PIK3C2G: variants seen among roughly 807,000 people sequenced by gnomAD.
PIK3C2G encodes the protein phosphatidylinositol 3-kinase C2 domain-containing subunit gamma.
A neutral mutation model predicts 181.1 loss-of-function variants in PIK3C2G; 168 were observed. That is an observed-to-expected ratio of 0.93 (90% CI 0.82 to 1.05). The LOEUF (loss-of-function observed/expected upper bound fraction) is 1.05, where lower values mean the gene tolerates loss of function less well. Ranked by LOEUF, PIK3C2G falls within the 50% of genes least tolerant of loss-of-function variation. The pLI, the probability that PIK3C2G is intolerant of heterozygous loss-of-function variation, is 0.00. For missense variants in PIK3C2G, 1,869 were observed against 1,732.8 expected, an observed-to-expected ratio of 1.08 and a Z score of -1.40; for synonymous variants, 573 against 592.2, an observed-to-expected ratio of 0.97 and a Z score of 0.47.
chr12:18,365,352 A>C (rs1342685251), intron 12 of PIK3C2G, among the ~76,000 whole-genome samples: 1 of 152,096 alleles, frequency 6.6e-6, no homozygotes, highest in African/African-American at 2.4e-5. Flanking sequence ...TTGTAGTGAA[A>C]CCTTCCAAAT....
chr12:18,597,095 C>G (rs1947406934), intron 30 of PIK3C2G, among the ~76,000 whole-genome samples: 1 of 151,896 alleles, frequency 6.6e-6, no homozygotes, highest in East Asian at 1.9e-4. Context: ...ATTACCTCAT[C>G]TCTAACATCT....
chr12:18,567,727 A>C (rs1030650409), intron 29 of PIK3C2G, among the ~76,000 whole-genome samples: 1 of 152,078 alleles, frequency 6.6e-6, no homozygotes, highest in East Asian at 1.9e-4. Flanking sequence ...AAGAAAATTT[A>C]TGAGTGAGAA....
At chr12:18,646,405 C>T (rs914497304) in intron 32 of PIK3C2G, among the ~76,000 whole-genome samples, 5 of 152,032 alleles carry the variant, frequency 3.3e-5, no homozygotes, top group African/African-American at 7.2e-5. Flanking sequence ...CAGGGTAGAC[C>T]GCATTCGCAT....
chr12:18,568,796 A>G (rs1425231590), intron 29 of PIK3C2G, among the ~76,000 whole-genome samples: 2 of 152,206 alleles, frequency 1.3e-5, no homozygotes, highest in Non-Finnish European at 2.9e-5. Flanking sequence ...GTGAGGAACT[A>G]AAAACATTGT....
At chr12:18,533,153 C>A (rs552569383) in intron 24 of PIK3C2G, among the ~76,000 whole-genome samples, 7 of 152,134 alleles carry the variant, frequency 4.6e-5, no homozygotes, top group Admixed American at 3.9e-4. Flanking sequence ...GAAAAATATG[C>A]CTACTTCATC....
At chr12:18,243,904 T>C (rs1565519415), upstream of PIK3C2G, among the ~76,000 whole-genome samples, 1 of 151,894 alleles carries the variant, frequency 6.6e-6, no homozygotes, top group Non-Finnish European at 1.5e-5. Context: ...TTGAACATCC[T>C]GAGGATGTTT....
the PIK3C2G span, among the ~76,000 whole-genome samples, chr12:18,688,619 A>G: frequency 6.6e-6 from 1 of 151,922 alleles, no homozygotes; most frequent in African/African-American, 2.4e-5. Flanking sequence ...TAAAAAATGT[A>G]CCATTTAACT....
chr12:18,391,888 TGAGA>T (rs142901049), intron 15 of PIK3C2G, among the ~76,000 whole-genome samples: 4 of 150,216 alleles, frequency 2.7e-5, no homozygotes, highest in East Asian at 3.9e-4. Context: ...TGTGTGTGTG[TGAGA>T]GAGAGAGAGA....
At chr12:18,363,534 G>A (rs1183077150) in intron 12 of PIK3C2G, among the ~76,000 whole-genome samples, 1 of 151,940 alleles carries the variant, frequency 6.6e-6, no homozygotes, top group East Asian at 1.9e-4. Flanking sequence ...CTCTTCCATG[G>A]TTACTGCTGC....
At chr12:18,534,531 A>G (rs751105489) in intron 24 of PIK3C2G, among the ~76,000 whole-genome samples, 1 of 152,074 alleles carries the variant, frequency 6.6e-6, no homozygotes, top group Non-Finnish European at 1.5e-5. Flanking sequence ...ATAAATGTCA[A>G]ATTGTTACAA....
At chr12:18,360,045 C>G in intron 11 of PIK3C2G, among the ~76,000 whole-genome samples, 1 of 151,970 alleles carries the variant, frequency 6.6e-6, no homozygotes, top group East Asian at 1.9e-4. Context: ...GTCTTTTCCT[C>G]TCTGGCTGTG....
At chr12:18,598,072 C>T (rs1210457127) in intron 30 of PIK3C2G, among the ~76,000 whole-genome samples, 1 of 152,100 alleles carries the variant, frequency 6.6e-6, no homozygotes, top group Non-Finnish European at 1.5e-5. Flanking sequence ...GGCCATACTG[C>T]CCAAGGTAAT....
At chr12:18,461,286 A>T (rs566789057) in intron 18 of PIK3C2G, among the ~76,000 whole-genome samples, 1 of 152,144 alleles carries the variant, frequency 6.6e-6, no homozygotes, top group African/African-American at 2.4e-5. Flanking sequence ...TTACATTATA[A>T]TTTATTATGT....
In PIK3C2G at chr12:18,496,137, A is replaced by G; in HGVS notation, c.2869A>G (p.Ile957Val). Residue 957 changes from isoleucine (I) to valine (V), a missense_variant, in exon 21 of 33, where the codon ATC becomes GTC. Ile to Val is a conservative substitution (Grantham distance 29, BLOSUM62 3). Coordinates refer to ENST00000538779, the MANE Select transcript of PIK3C2G (RefSeq NM_001288772.2). ...FINANPMGKNISIIFKAGDDL... is the reference protein window; with the variant it reads ...FINANPMGKNVSIIFKAGDDL... ...CAATGCTAATCCGATGGGCAAAAAC[A>G]TCAGCATTATTTTTAAGGTATGGTA... 6.5e-7 allele frequency: 1 copy of G among 1,530,810 alleles called. No individual in the cohort carries two copies. Among genetic ancestry groups the G allele is most frequent in the South Asian group, 1.2e-5 (1 of 81,158 alleles). 94.8% of individuals were successfully genotyped at this position (1,530,810 alleles called of 1,614,324 possible). A position where few individuals can be genotyped will look rare whatever the true frequency, so the allele number is the denominator to read the frequency against.
At chr12:18,294,070 A>G in intron 5 of PIK3C2G, 55 bp downstream of exon 5, 1 of 772,620 alleles carries the variant, frequency 1.3e-6, no homozygotes, top group Non-Finnish European at 2.2e-6. Flanking sequence ...TTAAGTTACC[A>G]CTTGTTTATG....
At chr12:18,326,090 T>C (rs1951335755) in intron 8 of PIK3C2G, among the ~76,000 whole-genome samples, 1 of 152,150 alleles carries the variant, frequency 6.6e-6, no homozygotes, top group Admixed American at 6.6e-5. Flanking sequence ...TTTGGTGAAA[T>C]TATGTGCCTA....
At chr12:18,574,342 G>C (rs1439767709) in intron 29 of PIK3C2G, among the ~76,000 whole-genome samples, 12 of 152,120 alleles carry the variant, frequency 7.9e-5, no homozygotes, top group Admixed American at 7.9e-4. Context: ...TCACCCATGA[G>C]AACCCATTTC....
chr12:18,634,703 C>T (rs1400807172), intron 31 of PIK3C2G, among the ~76,000 whole-genome samples: 2 of 152,164 alleles, frequency 1.3e-5, no homozygotes, highest in African/African-American at 4.8e-5. Flanking sequence ...TCCACCCCTA[C>T]TACCATGACC....
chr12:18,256,011 C>T (rs1948142837), intron 1 of PIK3C2G, among the ~76,000 whole-genome samples: 1 of 152,070 alleles, frequency 6.6e-6, no homozygotes, highest in Admixed American at 6.6e-5. Context: ...TCCATTACTG[C>T]TATAGTAACC....
Sources: gnomAD v4.1 joint callset for allele counts (sites outside exome capture counted in the v4.1 genomes callset) on GRCh38, gnomAD v4.1.1 for gene constraint, MANE v1.5 for transcripts, NCBI Gene and HGNC (gene_info 2026-07-23, HGNC 2026-07-21) for gene names.